IL1RAPL2: variants seen among roughly 807,000 people sequenced by gnomAD.
IL1RAPL2 encodes X-linked interleukin-1 receptor accessory protein-like 2.
A neutral mutation model predicts 44.1 loss-of-function variants in IL1RAPL2; 3 were observed. That is an observed-to-expected ratio of 0.07 (90% CI 0.03 to 0.18). The LOEUF (loss-of-function observed/expected upper bound fraction) is 0.18, where lower values mean the gene tolerates loss of function less well. Among genes scored for constraint, IL1RAPL2 ranks in the 10% least tolerant of loss-of-function variants. The pLI, the probability that IL1RAPL2 is intolerant of heterozygous loss-of-function variation, is 1.00. For missense variants in IL1RAPL2, 391 were observed against 496.4 expected (o/e 0.79, Z 2.02); for synonymous variants, 181 against 178.8 (o/e 1.01, Z -0.10).
At chrX:104,624,558 TTGG>T (rs1186831981) in intron 1 of IL1RAPL2, among the ~76,000 whole-genome samples, 1 of 111,744 alleles carries the variant, frequency 8.9e-6, no homozygotes, top group Non-Finnish European at 1.9e-5. Context: ...TCATATACTA[TTGG>T]TGGGAGTATA....
intron 3 of IL1RAPL2, among the ~76,000 whole-genome samples, chrX:105,231,682 A>T (rs1257946199): frequency 7.1e-5 from 8 of 112,061 alleles, no homozygotes; most frequent in Non-Finnish European, 1.5e-4. Flanking sequence ...AGAAGATCAG[A>T]TAAGAGCAAG....
At chrX:105,371,499 G>A (rs986715625) in intron 5 of IL1RAPL2, among the ~76,000 whole-genome samples, 2 of 110,918 alleles carry the variant, frequency 1.8e-5, no homozygotes, top group Non-Finnish European at 3.8e-5. Flanking sequence ...CAAAAGTAAG[G>A]AACAAAAAAT....
chrX:104,906,939 T>C (rs1011312666), intron 2 of IL1RAPL2, among the ~76,000 whole-genome samples: 1 of 111,792 alleles, frequency 8.9e-6, no homozygotes, highest in African/African-American at 3.3e-5. Flanking sequence ...TCCTGGACTC[T>C]TTTTGGTTGG....
At chrX:105,297,391 C>A (rs750191524) in intron 5 of IL1RAPL2, among the ~76,000 whole-genome samples, 1 of 111,520 alleles carries the variant, frequency 9.0e-6, no homozygotes, top group Non-Finnish European at 1.9e-5. Flanking sequence ...TGTTTTAGTC[C>A]GTTTTCACAC....
intron 2 of IL1RAPL2, among the ~76,000 whole-genome samples, chrX:105,011,217 T>C (rs2031042160): frequency 9.0e-6 from 1 of 111,328 alleles, no homozygotes; most frequent in South Asian, 3.7e-4. Context: ...AAATACCTGC[T>C]ATGTATTAAA....
At chrX:105,265,596 T>G (rs1440986618) in intron 4 of IL1RAPL2, among the ~76,000 whole-genome samples, 1 of 111,506 alleles carries the variant, frequency 9.0e-6, no homozygotes, top group Non-Finnish European at 1.9e-5. Flanking sequence ...CTCAATAGTA[T>G]TACTTTTATT....
intron 2 of IL1RAPL2, among the ~76,000 whole-genome samples, chrX:104,799,174 T>G (rs982847174): frequency 1.8e-5 from 2 of 110,936 alleles, no homozygotes; most frequent in African/African-American, 6.6e-5. Flanking sequence ...AACCCAGGTC[T>G]ATATGACCTG....
chrX:105,663,458 T>A (rs778412047), intron 6 of IL1RAPL2, among the ~76,000 whole-genome samples: 5 of 111,843 alleles, frequency 4.5e-5, no homozygotes, highest in Admixed American at 9.5e-5. Context: ...TTAACTGTAG[T>A]CCATACTATA....
intron 2 of IL1RAPL2, among the ~76,000 whole-genome samples, chrX:104,830,044 A>G (rs1439982167): frequency 9.0e-6 from 1 of 111,652 alleles, no homozygotes; most frequent in Non-Finnish European, 1.9e-5. Flanking sequence ...TGCTGTTTTT[A>G]CTACATGAAG....
intron 2 of IL1RAPL2, among the ~76,000 whole-genome samples, chrX:104,932,239 T>G (rs970658582): frequency 1.3e-4 from 14 of 109,641 alleles, no homozygotes; most frequent in African/African-American, 4.0e-4. Flanking sequence ...CCTCAGGAGA[T>G]CCATCCCCCT....
chrX:104,605,109 A>G (rs1447561297), intron 1 of IL1RAPL2, among the ~76,000 whole-genome samples: 2 of 112,190 alleles, frequency 1.8e-5, no homozygotes, highest in African/African-American at 6.5e-5. Context: ...AGAAATCATA[A>G]CAAAGTGTCT....
Position 105,740,588 on chromosome X carries a change from A to C in IL1RAPL2, c.945A>C (p.Ala315=). 1 of 1,208,268 alleles carries C rather than the reference A, an allele frequency of 8.3e-7. No homozygotes were observed. The highest frequency in any genetic ancestry group is 1.1e-6 in the Non-Finnish European group (1 of 892,993). Residue 315 remains alanine (A), a synonymous_variant, in exon 8 of 11, where the codon GCA becomes GCC. Transcript: ENST00000372582. ...EHLGEKEVEL[A]LIFDSVVEAD... ...TTGGAGAAAAAGAAGTTGAATTGGC[A>C]CTCATCTTTGACTCAGTTGTGGAAG...
intron 2 of IL1RAPL2, among the ~76,000 whole-genome samples, chrX:104,853,615 G>T (rs1191638603): frequency 3.6e-5 from 2 of 54,864 alleles, no homozygotes; most frequent in Non-Finnish European, 6.6e-5. Flanking sequence ...GATTTGTGTT[G>T]CAGGGTAGTG....
At chrX:105,760,288 A>C (rs182617321) in intron 10 of IL1RAPL2, among the ~76,000 whole-genome samples, 33 of 112,018 alleles carry the variant, frequency 2.9e-4, no homozygotes, top group Middle Eastern at 4.6e-3. Flanking sequence ...AGATTGTCTT[A>C]AGTACTGGAG....
chrX:105,253,688 C>T (rs1356388830), intron 4 of IL1RAPL2, among the ~76,000 whole-genome samples: 1 of 111,204 alleles, frequency 9.0e-6, no homozygotes. Flanking sequence ...CAATAGTTAT[C>T]TTTTCTGCTC....
chrX:104,643,892 C>T (rs907759198), intron 1 of IL1RAPL2, among the ~76,000 whole-genome samples: 8 of 111,306 alleles, frequency 7.2e-5, no homozygotes, highest in African/African-American at 2.3e-4. Flanking sequence ...ACTAAGCCTC[C>T]GTTTCTCTGT....
intron 6 of IL1RAPL2, among the ~76,000 whole-genome samples, chrX:105,594,261 C>A (rs2037192686): frequency 8.9e-6 from 1 of 111,893 alleles, no homozygotes; most frequent in Non-Finnish European, 1.9e-5. Context: ...CATTTCCAAG[C>A]CATCTGGAAT....
chrX:105,157,816 G>A (rs1352054455), intron 2 of IL1RAPL2, among the ~76,000 whole-genome samples: 1 of 112,248 alleles, frequency 8.9e-6, no homozygotes, highest in Non-Finnish European at 1.9e-5. Context: ...TCAGCAAGTA[G>A]GAGAGATTTT....
chrX:105,667,389 G>A (rs1002147244), intron 6 of IL1RAPL2, among the ~76,000 whole-genome samples: 2 of 112,059 alleles, frequency 1.8e-5, no homozygotes, highest in South Asian at 3.7e-4. Flanking sequence ...TGTAAATGGC[G>A]TTTTACTGAT....
Sources: allele counts gnomAD v4.1 joint callset (sites outside exome capture counted in the v4.1 genomes callset), GRCh38; gene constraint gnomAD v4.1.1; transcripts MANE v1.5; gene names NCBI Gene and HGNC (gene_info 2026-07-23, HGNC 2026-07-21).